The following SPRED2 variants were observed in gnomAD, a reference collection of about 807,000 sequenced individuals.
The protein encoded by SPRED2 is sprouty-related, EVH1 domain-containing protein 2.
In SPRED2, 47 loss-of-function variants were observed where a neutral mutation model predicts 43.0. The ratio of observed to expected loss-of-function variants is 1.09; its 90% CI spans 0.87 to 1.40. The LOEUF (loss-of-function observed/expected upper bound fraction) is 1.40, where lower values mean the gene tolerates loss of function less well. Among genes scored for constraint, SPRED2 ranks in the 40% most tolerant of loss-of-function variants. SPRED2 has a pLI of 0.00. For synonymous variants in SPRED2, 225 were observed against 225.7 expected (o/e 1.00, Z 0.03); for missense variants, 561 against 586.4 (o/e 0.96, Z 0.45).
downstream of SPRED2, among the ~76,000 whole-genome samples, chr2:65,307,870 G>A (rs905558671): frequency 2.0e-5 from 3 of 151,896 alleles, no homozygotes; most frequent in African/African-American, 2.4e-5. Context: ...CTCACCCCAC[G>A]AATCGGAAAG....
chr2:65,366,141 A>T (rs1674966126), intron 1 of SPRED2, among the ~76,000 whole-genome samples: 2 of 152,324 alleles, frequency 1.3e-5, no homozygotes, highest in Admixed American at 1.3e-4. Flanking sequence ...CACAGTACTG[A>T]AAGAAATCCA....
chr2:65,384,851 C>T (rs1198023785), intron 1 of SPRED2, among the ~76,000 whole-genome samples: 2 of 152,230 alleles, frequency 1.3e-5, no homozygotes, highest in Non-Finnish European at 2.9e-5. Flanking sequence ...TTCCAGGCTC[C>T]TTGTTCATTG....
intron 1 of SPRED2, among the ~76,000 whole-genome samples, chr2:65,420,527 A>G (rs1234369505): frequency 6.6e-6 from 1 of 152,248 alleles, no homozygotes; most frequent in East Asian, 1.9e-4. Flanking sequence ...CAAGTGATGG[A>G]TAATTTGCAT....
At chr2:65,339,617 CTTGT>C (rs1033748204) in intron 2 of SPRED2, among the ~76,000 whole-genome samples, 17 of 150,978 alleles carry the variant, frequency 1.1e-4, no homozygotes, top group Non-Finnish European at 2.1e-4. Context: ...CCTTTGTTCA[CTTGT>C]TTGTCTGCTG....
Position 65,313,224 on chromosome 2 carries a change from T to C in SPRED2, c.*277A>G. On this transcript the variant is annotated 3_prime_UTR_variant, in exon 6 of 6. Coordinates refer to ENST00000356388, the MANE Select transcript of SPRED2 (RefSeq NM_181784.3). ...AGACAGTTAGCTTGGTTACAGATTG[T>C]TAATAGTACAGGAGTCTGTGGCGAA... 8.6e-7 allele frequency: 1 copy of C among 1,165,000 alleles called. No individual in the cohort carries two copies. Among genetic ancestry groups the C allele is most frequent in the Non-Finnish European group, 1.1e-6 (1 of 943,802 alleles). 72.2% of individuals were successfully genotyped at this position (1,165,000 alleles called of 1,614,324 possible). A position where few individuals can be genotyped will look rare whatever the true frequency, so the allele number is the denominator to read the frequency against.
intron 1 of SPRED2, among the ~76,000 whole-genome samples, chr2:65,386,691 G>C (rs1300545208): frequency 6.6e-6 from 1 of 152,152 alleles, no homozygotes; most frequent in Non-Finnish European, 1.5e-5. Context: ...GTAAAGCTCG[G>C]ACTATCTATA....
intron 1 of SPRED2, chr2:65,378,093 T>C (rs1025705380): frequency 6.5e-5 from 12 of 185,198 alleles, no homozygotes; most frequent in Middle Eastern, 2.3e-3. Context: ...CCAAATTCCA[T>C]TGACACCTCT....
intron 4 of SPRED2, among the ~76,000 whole-genome samples, chr2:65,317,883 G>A (rs1252247095): frequency 6.6e-6 from 1 of 152,162 alleles, no homozygotes; most frequent in Non-Finnish European, 1.5e-5. Context: ...GTTTTGCCCA[G>A]TAGAGATGTC....
chr2:65,421,135 C>T (rs755052755), intron 1 of SPRED2, among the ~76,000 whole-genome samples: 11 of 151,962 alleles, frequency 7.2e-5, no homozygotes, highest in Non-Finnish European at 1.5e-4. Context: ...TAGCATTCAC[C>T]GAGAACTTTC....
chr2:65,371,005 A>G (rs1211036844), intron 1 of SPRED2, among the ~76,000 whole-genome samples: 1 of 152,214 alleles, frequency 6.6e-6, no homozygotes, highest in Non-Finnish European at 1.5e-5. Flanking sequence ...GGATGCTTTC[A>G]AGGGGGCTGA....
intron 1 of SPRED2, among the ~76,000 whole-genome samples, chr2:65,392,968 T>C (rs987731945): frequency 6.6e-6 from 1 of 152,158 alleles, no homozygotes; most frequent in Non-Finnish European, 1.5e-5. Flanking sequence ...TTCTACCTGC[T>C]ACTCAACAGC....
In SPRED2 at chr2:65,404,105, T is replaced by G. The variant is rs185647527; in HGVS notation, c.26+27857A>C. Reference sequence around the variant, plus strand: ...CTGTAGTCCCAGCTACTCAGGAGGCTGAGGCAGGAGAACTCTTGAACGCCC... The same window carrying G: ...CTGTAGTCCCAGCTACTCAGGAGGCGGAGGCAGGAGAACTCTTGAACGCCC... On this transcript the variant is annotated intron_variant, in intron 1 of 5. Coordinates refer to ENST00000356388, the MANE Select transcript of SPRED2 (RefSeq NM_181784.3). 8.4e-4 allele frequency among the ~76,000 whole-genome samples: 127 copies of G among 151,564 alleles called. No individual in the cohort carries two copies. In the East Asian group the frequency reaches 0.024, roughly 28 times the overall value.
chr2:65,323,458 G>T (rs1031732141), intron 4 of SPRED2, among the ~76,000 whole-genome samples: 2 of 152,066 alleles, frequency 1.3e-5, no homozygotes, highest in Non-Finnish European at 2.9e-5. Flanking sequence ...GAAAAGAGAA[G>T]GGAAGGGGGT....
rs533154532 is a variant in SPRED2 at position 65,428,593 on chromosome 2, T to C, written c.26+3369A>G. Among the ~76,000 whole-genome samples, 9 of 152,386 alleles carry C rather than the reference T, an allele frequency of 5.9e-5. No homozygotes were observed. The East Asian group carries it at 1.2e-3, about 20-fold the overall frequency. On this transcript the variant is annotated intron_variant, in intron 1 of 5. Coordinates refer to ENST00000356388, the MANE Select transcript of SPRED2 (RefSeq NM_181784.3). ...ACAGTCCCAATGTCTGCAATGTCTT[T>C]GAAATGGTTCAGCAAAAATACTTAC...
chr2:65,313,436 TGA>T lies in SPRED2; in HGVS notation c.*63_*64del. 6.5e-7 allele frequency: 1 copy of T among 1,533,530 alleles called. No homozygotes were observed. Among genetic ancestry groups the T allele is most frequent in the Non-Finnish European group, 8.7e-7 (1 of 1,143,332 alleles). 95.0% of individuals were successfully genotyped at this position (1,533,530 alleles called of 1,614,324 possible). A position where few individuals can be genotyped will look rare whatever the true frequency, so the allele number is the denominator to read the frequency against. On this transcript the variant is annotated 3_prime_UTR_variant, in exon 6 of 6. Transcript: ENST00000356388. The stretch of plus-strand genomic sequence containing the variant: ...GAGTGGAAGGGAGCGGGGGAGAAGA[TGA>T]GAGTATGTAAGAGACGAGTTCCCCT...
chr2:65,326,439 G>A (rs1156580265), intron 4 of SPRED2, among the ~76,000 whole-genome samples: 2 of 152,184 alleles, frequency 1.3e-5, no homozygotes, highest in Non-Finnish European at 2.9e-5. Context: ...TCTGTCCTGA[G>A]GGCCTACGTT....
At chr2:65,401,937 G>GCGCGCGCACA (rs776512353) in intron 1 of SPRED2, among the ~76,000 whole-genome samples, 1,523 of 114,700 alleles carry the variant, frequency 0.013, 18 homozygotes, top group Admixed American at 0.04. Flanking sequence ...GCGCGCGCGC[G>GCGCGCGCACA]CACACACACA....
In SPRED2 at chr2:65,312,933, A is replaced by G; in HGVS notation, c.*568T>C. On this transcript the variant is annotated 3_prime_UTR_variant, in exon 6 of 6. Transcript: ENST00000356388. ...AGTTAAAGCGATATTGTTTTGTGGTACAAGTTTGTTAACTAGCTCACCTCC... is the reference window on the plus strand; with the variant it reads ...AGTTAAAGCGATATTGTTTTGTGGTGCAAGTTTGTTAACTAGCTCACCTCC... 1.0e-6 allele frequency: 1 copy of G among 985,844 alleles called. No individual in the cohort carries two copies. The highest frequency in any genetic ancestry group is 4.7e-5 in the South Asian group (1 of 21,288). 61.1% of individuals were successfully genotyped at this position (985,844 alleles called of 1,614,324 possible).
chr2:65,326,965 C>T (rs1542993), intron 4 of SPRED2, among the ~76,000 whole-genome samples: 72,023 of 151,886 alleles, frequency 0.47, 17,426 homozygotes, highest in East Asian at 0.74. Flanking sequence ...CTCAGCCTCC[C>T]AAGTAGCTGG....
Sources: gnomAD v4.1 joint callset for allele counts (sites outside exome capture counted in the v4.1 genomes callset) on GRCh38, gnomAD v4.1.1 for gene constraint, MANE v1.5 for transcripts, NCBI Gene and HGNC (gene_info 2026-07-23, HGNC 2026-07-21) for gene names.